LIPA: variants seen among roughly 807,000 people sequenced by gnomAD.
LIPA encodes the protein lysosomal acid lipase/cholesteryl ester hydrolase.
A neutral mutation model predicts 40.6 loss-of-function variants in LIPA; 26 were observed. The observed-to-expected ratio is 0.64, with a 90% CI of 0.47 to 0.89. The LOEUF is 0.89. Among genes scored for constraint, LIPA ranks in the 40% least tolerant of loss-of-function variants. The probability of loss-of-function intolerance (pLI) is 0.00; values close to 1 mark genes in which losing one functional copy is unlikely to be tolerated. For missense variants in LIPA, 455 were observed against 479.6 expected (o/e 0.95, Z 0.48); for synonymous variants, 188 against 168.4 (o/e 1.12, Z -0.90).
intron 2 of LIPA, among the ~76,000 whole-genome samples, chr10:89,381,526 C>T (rs1200706300): frequency 6.6e-6 from 1 of 152,062 alleles, no homozygotes; most frequent in Non-Finnish European, 1.5e-5. Context: ...AGCAATATGC[C>T]AGGACTCTCA....
intron 2 of LIPA, among the ~76,000 whole-genome samples, chr10:89,386,986 A>T (rs199636641): frequency 8.7e-5 from 12 of 137,488 alleles, no homozygotes; most frequent in African/African-American, 1.3e-4. Context: ...AGAGAGAGAG[A>T]GTGTGTGTGT....
intron 1 of LIPA, among the ~76,000 whole-genome samples, chr10:89,341,584 T>C (rs1429473457): frequency 6.6e-6 from 1 of 152,208 alleles, no homozygotes; most frequent in African/African-American, 2.4e-5. Context: ...AAATTCCTTA[T>C]CCCCTAGGAA....
rs1842733067 is a variant in LIPA, at chr10:89,223,820, C to G, written c.686G>C (p.Gly229Ala). Residue 229 changes from glycine (G) to alanine (A), a missense_variant, in exon 7 of 10, where the codon GGA becomes GCA. By Grantham distance (60) the Gly-to-Ala change is moderately conservative. Transcript: ENST00000336233. ...LPDHLIKDLF[G>A]DKEFLPQSAF... The stretch of plus-strand genomic sequence containing the variant: ...ACTCTGGGGAAGAAATTCTTTGTCT[C>G]CAAATAAGTCCTACAAAATAAAAAG... 1 of 1,614,072 alleles carries G rather than the reference C, an allele frequency of 6.2e-7. No homozygotes were observed. The highest frequency in any genetic ancestry group is 1.3e-5 in the African/African-American group (1 of 75,036).
upstream of LIPA, among the ~76,000 whole-genome samples, chr10:89,344,475 A>C (rs114274502): frequency 9.8e-3 from 1,486 of 152,324 alleles, 23 homozygotes; most frequent in African/African-American, 0.034. Context: ...GCAGACGTAA[A>C]TGATGGGGCT....
At chr10:89,257,373 T>C (rs1254935198) in intron 1 of LIPA, among the ~76,000 whole-genome samples, 1 of 152,216 alleles carries the variant, frequency 6.6e-6, no homozygotes, top group African/African-American at 2.4e-5. Flanking sequence ...TGTGTGTGTG[T>C]GTGTGCATAT....
chr10:89,408,671 C>A (rs557617453), intron 2 of LIPA, among the ~76,000 whole-genome samples: 1 of 152,296 alleles, frequency 6.6e-6, no homozygotes, highest in South Asian at 2.1e-4. Flanking sequence ...TTCAGATGAT[C>A]CTGATAGGTA....
chr10:89,223,953 T>C (rs1842735041), intron 6 of LIPA, 123 bp from the exon 7 acceptor site: 2 of 909,356 alleles, frequency 2.2e-6, no homozygotes, highest in African/African-American at 1.7e-5. Context: ...CAGGAGAGAA[T>C]GGCAACCAGT....
At chr10:89,322,607 C>T (rs183938576) in intron 1 of LIPA, among the ~76,000 whole-genome samples, 3 of 139,986 alleles carry the variant, frequency 2.1e-5, no homozygotes, top group Non-Finnish European at 4.7e-5. Flanking sequence ...AGGCAGAGAG[C>T]CCCCCAGACA....
intron 1 of LIPA, chr10:89,332,386 G>T (rs1843663270): frequency 2.1e-6 from 2 of 972,532 alleles, no homozygotes; most frequent in South Asian, 2.7e-5. Flanking sequence ...TTCCAAATCT[G>T]TCTGGAACAT....
At chr10:89,341,655 CTT>C (rs1843871575) in intron 1 of LIPA, among the ~76,000 whole-genome samples, 1 of 152,140 alleles carries the variant, frequency 6.6e-6, no homozygotes, top group East Asian at 1.9e-4. Context: ...CACCTGGAAA[CTT>C]GCTTGTAGGT....
chr10:89,322,444 C>A (rs574004278), intron 1 of LIPA, among the ~76,000 whole-genome samples: 1 of 150,662 alleles, frequency 6.6e-6, no homozygotes, highest in African/African-American at 2.5e-5. Context: ...CAGCGTGGAT[C>A]CAGGAGAATT....
intron 3 of LIPA, among the ~76,000 whole-genome samples, chr10:89,237,340 C>A (rs968505265): frequency 6.6e-6 from 1 of 151,952 alleles, no homozygotes; most frequent in African/African-American, 2.4e-5. Context: ...AAAAATATGT[C>A]AAGATAACAG....
At chr10:89,330,755 A>AT (rs11408031) in intron 1 of LIPA, among the ~76,000 whole-genome samples, 95,393 of 152,134 alleles carry the variant, frequency 0.63, 32,547 homozygotes, top group East Asian at 0.93. Flanking sequence ...TTCACTCAAG[A>AT]TGCCTGATAA....
rs1202593103 is a variant in LIPA, at chr10:89,320,873, T to C, written c.-2+21738A>G. ...TGGTACTGGTACCAAAACAGAGATA[T>C]AGACCAATGGAACAGAACAGAGCCC... On this transcript the variant is annotated intron_variant, in intron 1 of 5. Coordinates refer to the LIPA transcript ENST00000282673. Among the ~76,000 whole-genome samples, 3 of 151,992 alleles carry C rather than the reference T, an allele frequency of 2.0e-5. No homozygotes were observed. In the East Asian group the frequency reaches 5.8e-4, roughly 29 times the overall value.
At chr10:89,244,474 TG>T (rs1378198610) in intron 3 of LIPA, among the ~76,000 whole-genome samples, 5 of 152,048 alleles carry the variant, frequency 3.3e-5, no homozygotes, top group Non-Finnish European at 1.5e-5. Context: ...AACAAAAAAA[TG>T]TTAGAGAATA....
chr10:89,307,681 T>C (rs4934470), intron 1 of LIPA: 210,019 of 258,872 alleles, frequency 0.81, 86,301 homozygotes, highest in East Asian at 0.98. Flanking sequence ...TGGAGTAATC[T>C]ACTGGGCTTG....
intron 3 of LIPA, among the ~76,000 whole-genome samples, chr10:89,235,461 A>G (rs1343206165): frequency 2.0e-5 from 3 of 152,372 alleles, no homozygotes; most frequent in African/African-American, 7.2e-5. Context: ...AAAGCTGACA[A>G]AGAAGCAGCC....
intron 2 of LIPA, among the ~76,000 whole-genome samples, chr10:89,393,530 G>A (rs1019779279): frequency 6.6e-6 from 1 of 152,150 alleles, no homozygotes; most frequent in African/African-American, 2.4e-5. Flanking sequence ...GTCAGGAGTT[G>A]GAGCCCATCC....
intron 2 of LIPA, among the ~76,000 whole-genome samples, chr10:89,354,289 C>T (rs1589619828): frequency 6.6e-6 from 1 of 152,182 alleles, no homozygotes; most frequent in African/African-American, 2.4e-5. Context: ...CTTTCTGAAC[C>T]AAATCAACGT....
Sources: allele counts gnomAD v4.1 joint callset (sites outside exome capture counted in the v4.1 genomes callset), GRCh38; gene constraint gnomAD v4.1.1; transcripts MANE v1.5; gene names NCBI Gene and HGNC (gene_info 2026-07-23, HGNC 2026-07-21).